Variants in PKP1 observed in about 807,000 individuals in gnomAD.
PKP1 encodes the protein plakophilin-1.
Under a neutral mutation model 76.4 loss-of-function variants are expected in PKP1, and 27 were observed. The ratio of observed to expected loss-of-function variants is 0.35; its 90% CI spans 0.26 to 0.49. The LOEUF (loss-of-function observed/expected upper bound fraction) is 0.49, where lower values mean the gene tolerates loss of function less well. Ranked by LOEUF, PKP1 falls within the 20% of genes least tolerant of loss-of-function variation. PKP1 has a pLI of 0.99. For missense variants in PKP1, 964 were observed against 955.2 expected (o/e 1.01, Z -0.12); for synonymous variants, 404 against 384.2 (o/e 1.05, Z -0.60).
chr1:201,313,237 G>C lies in PKP1; in HGVS notation c.378G>C (p.Trp126Cys), dbSNP rs886045808. The change falls in exon 3 of 14, where the codon TGG becomes TGC. Residue 126 changes from tryptophan to cysteine, a missense_variant. Trp to Cys is a radical substitution (Grantham distance 215). Coordinates refer to ENST00000367324, the MANE Select transcript of PKP1 (RefSeq NM_001005337.3). ...GCTCCTACAGCCAGATGGAGAACTGGAGCCGGCACTACCCCCGGGGCAGCT... is the reference window on the plus strand; with the variant it reads ...GCTCCTACAGCCAGATGGAGAACTGCAGCCGGCACTACCCCCGGGGCAGCT... ...RFSSYSQMENWSRHYPRGSCN... is the reference protein window; with the variant it reads ...RFSSYSQMENCSRHYPRGSCN... 3.1e-6 allele frequency: 5 copies of C among 1,604,814 alleles called. No individual in the cohort carries two copies. The highest frequency in any genetic ancestry group is 4.3e-6 in the Non-Finnish European group (5 of 1,176,154).
intron 12 of PKP1, chr1:201,328,420 G>A (rs768914218): frequency 2.6e-6 from 1 of 382,266 alleles, no homozygotes; most frequent in South Asian, 2.2e-5. Context: ...GTGGTCAGAG[G>A]GAAGAACAAT....
chr1:201,310,670 G>A (rs1656521066), intron 2 of PKP1, among the ~76,000 whole-genome samples: 1 of 152,212 alleles, frequency 6.6e-6, no homozygotes, highest in Non-Finnish European at 1.5e-5. Flanking sequence ...CAAAGTGACA[G>A]CAAAGGGCCA....
intron 2 of PKP1, among the ~76,000 whole-genome samples, chr1:201,312,511 G>A (rs551527610): frequency 5.9e-5 from 9 of 152,318 alleles, no homozygotes; most frequent in Non-Finnish European, 1.2e-4. Flanking sequence ...CAGATCAGAG[G>A]TTGTCAAACT....
chr1:201,323,946 T>TA (rs2102184847), intron 9 of PKP1, among the ~76,000 whole-genome samples: 1 of 152,290 alleles, frequency 6.6e-6, no homozygotes, highest in South Asian at 2.1e-4. Flanking sequence ...GACCCTTTCT[T>TA]AGCCCTCTTT....
At chr1:201,292,675 G>A (rs919639799) in intron 1 of PKP1, among the ~76,000 whole-genome samples, 3 of 152,184 alleles carry the variant, frequency 2.0e-5, no homozygotes, top group Non-Finnish European at 2.9e-5. Flanking sequence ...TACCTTGGCT[G>A]GGTGAGATCA....
chr1:201,294,120 G>A (rs542991420), intron 2 of PKP1, 75 bp downstream of exon 2: 44 of 965,716 alleles, frequency 4.6e-5, no homozygotes, highest in South Asian at 1.1e-4. Flanking sequence ...GGAGAAAACC[G>A]GCACCAGTTG....
rs377328987 is a variant in PKP1 at position 201,324,488 on chromosome 1, C to T, written c.1741C>T (p.Arg581Cys). ...GGAAAAGGGCCTGCCACAAATTGCC[C>T]GCCTCCTGCAATCTGGCAACTCTGA... ...LKEKGLPQIA[R>C]LLQSGNSDVV... The change falls in exon 10 of 14, where the codon CGC becomes TGC. Residue 581 changes from arginine to cysteine, a missense_variant. Arg to Cys is a radical substitution (Grantham distance 180). Coordinates refer to ENST00000367324, the MANE Select transcript of PKP1 (RefSeq NM_001005337.3). 44 of 1,613,952 alleles carry T rather than the reference C, an allele frequency of 2.7e-5. No individual in the cohort carries two copies. The highest frequency in any genetic ancestry group is 1.7e-4 in the African/African-American group (13 of 74,910).
chr1:201,289,180 C>T (rs143141740), intron 1 of PKP1, among the ~76,000 whole-genome samples: 3 of 152,300 alleles, frequency 2.0e-5, no homozygotes, highest in African/African-American at 4.8e-5. Flanking sequence ...CTGCCCACTC[C>T]GAAACACCTC....
At chr1:201,284,359 A>T (rs1490074700) in intron 1 of PKP1, among the ~76,000 whole-genome samples, 1 of 151,592 alleles carries the variant, frequency 6.6e-6, no homozygotes, top group African/African-American at 2.4e-5. Context: ...GCCACCCTTC[A>T]CCCTTCCTGG....
intron 2 of PKP1, 56 bp downstream of exon 2, chr1:201,294,101 G>T (rs893552021): frequency 8.2e-7 from 1 of 1,216,846 alleles, no homozygotes; most frequent in African/African-American, 1.5e-5. Context: ...ATGGTTTGAG[G>T]TTTATAGTGG....
intron 2 of PKP1, among the ~76,000 whole-genome samples, chr1:201,312,299 C>A (rs1174907170): frequency 6.6e-6 from 1 of 152,192 alleles, no homozygotes; most frequent in Non-Finnish European, 1.5e-5. Flanking sequence ...ACAGTCCTGG[C>A]CAGAATAGAA....
In PKP1 at chr1:201,295,869, G is replaced by A. The variant is rs112874087; in HGVS notation, c.306+1824G>A. 2.8e-3 allele frequency among the ~76,000 whole-genome samples: 380 copies of A among 134,166 alleles called. 3 individuals are homozygous for A. Among genetic ancestry groups the A allele is most frequent in the African/African-American group, 9.8e-3 (357 of 36,466 alleles). The allele number at this position is 134,166 out of a possible 152,430, so 88.0% of individuals were successfully genotyped here. ...CCAAGAACTGTAAAGGAACTCTTTC[G>A]GGGAAGGTGTTTCTAAAGAAAAAAA... On this transcript the variant is annotated intron_variant, in intron 2 of 13. Coordinates refer to ENST00000367324, the MANE Select transcript of PKP1 (RefSeq NM_001005337.3).
At chr1:201,324,300 G>A (rs955350997) in intron 9 of PKP1, 128 bp from the exon 10 acceptor site, 9 of 931,226 alleles carry the variant, frequency 9.7e-6, no homozygotes, top group African/African-American at 8.2e-5. Context: ...CCACATGTGA[G>A]CTAGTGCTTC....
Position 201,322,224 on chromosome 1 carries a change from G to A in PKP1, c.1503+91G>A. ...TCTGCCCTTTCCTCTGGGCCCTCCTGGAGCCTGAAGCCAGCCCTAAGGGAC... is the reference window on the plus strand; with the variant it reads ...TCTGCCCTTTCCTCTGGGCCCTCCTAGAGCCTGAAGCCAGCCCTAAGGGAC... On this transcript the variant is annotated intron_variant, in intron 8 of 13. Coordinates refer to ENST00000367324, the MANE Select transcript of PKP1 (RefSeq NM_001005337.3). 3 of 1,429,804 alleles carry A rather than the reference G, an allele frequency of 2.1e-6. No individual in the cohort carries two copies. The South Asian group carries it at 3.7e-5, about 18-fold the overall frequency. The allele number at this position is 1,429,804 out of a possible 1,614,324, so 88.6% of individuals were successfully genotyped here. A position where few individuals can be genotyped will look rare whatever the true frequency, so the allele number is the denominator to read the frequency against.
chr1:201,286,670 G>A (rs1655747966), intron 1 of PKP1, among the ~76,000 whole-genome samples: 1 of 152,298 alleles, frequency 6.6e-6, no homozygotes, highest in Non-Finnish European at 1.5e-5. Context: ...CCTTGCAGAA[G>A]GAGGTTGCTC....
chr1:201,316,474 G>A, intron 3 of PKP1, 79 bp from the exon 4 acceptor site: 3 of 1,452,134 alleles, frequency 2.1e-6, no homozygotes, highest in Non-Finnish European at 2.8e-6. Flanking sequence ...GCAGCTTAGT[G>A]TGCTGGGAGG....
intron 3 of PKP1, among the ~76,000 whole-genome samples, chr1:201,313,777 C>T (rs1388045681): frequency 6.6e-6 from 1 of 152,236 alleles, no homozygotes; most frequent in Admixed American, 6.5e-5. Context: ...GAAGGTGAAA[C>T]AGACATTGAC....
At chr1:201,303,434 A>T (rs1656291921) in intron 2 of PKP1, among the ~76,000 whole-genome samples, 2 of 152,164 alleles carry the variant, frequency 1.3e-5, no homozygotes, top group Admixed American at 1.3e-4. Flanking sequence ...AGCTATTCCA[A>T]TGTATTTATT....
chr1:201,325,114 C>T lies in PKP1; in HGVS notation c.2008C>T (p.Leu670=). 1 of 1,613,838 alleles carries T rather than the reference C, an allele frequency of 6.2e-7. No individual in the cohort carries two copies. Among genetic ancestry groups the T allele is most frequent in the Non-Finnish European group, 8.5e-7 (1 of 1,180,032 alleles). ...CAGCATGCTCAACAACATCATCAAC[C>T]TGTGCCGAAGCAGGTGGGCGGGGGG... ...SSSMLNNIIN[L]CRSSASPKAA... is the part of the protein sequence containing the mutation. The change falls in exon 11 of 14, where the codon CTG becomes TTG. Residue 670 remains leucine (L), a synonymous_variant. Transcript: ENST00000367324.
Sources: gnomAD v4.1 joint callset for allele counts (sites outside exome capture counted in the v4.1 genomes callset) on GRCh38, gnomAD v4.1.1 for gene constraint, MANE v1.5 for transcripts, NCBI Gene and HGNC (gene_info 2026-07-23, HGNC 2026-07-21) for gene names.